Variants in ESRRG observed in about 807,000 individuals in gnomAD.
ESRRG encodes the protein estrogen related receptor gamma, also known as estrogen-related receptor gamma.
ESRRG carries 13 observed loss-of-function variants against 44.0 expected under a neutral mutation model. That is an observed-to-expected ratio of 0.30 (90% confidence interval 0.19 to 0.47). ESRRG has a LOEUF of 0.47. ESRRG is among the 20% of genes least tolerant of loss of function. The pLI is 1.00. For missense variants in ESRRG, 395 were observed against 580.6 expected (o/e 0.68, Z 3.29); for synonymous variants, 215 against 214.6 (o/e 1.00, Z -0.02).
At chr1:217,037,265 T>C (rs1303668060) in intron 1 of ESRRG, among the ~76,000 whole-genome samples, 1 of 152,224 alleles carries the variant, frequency 6.6e-6, no homozygotes, top group Non-Finnish European at 1.5e-5. Context: ...AGTCTGTTTT[T>C]ATGCTGCTGA....
chr1:216,602,729 A>G (rs1304953643), intron 3 of ESRRG, among the ~76,000 whole-genome samples: 2 of 152,224 alleles, frequency 1.3e-5, no homozygotes, highest in African/African-American at 2.4e-5. Flanking sequence ...TAATGATACA[A>G]TGAATTGCCT....
intron 1 of ESRRG, among the ~76,000 whole-genome samples, chr1:216,721,310 C>T (rs1287648116): frequency 6.6e-6 from 1 of 152,170 alleles, no homozygotes; most frequent in Non-Finnish European, 1.5e-5. Flanking sequence ...TATACACACA[C>T]GTGATGGGGT....
At chr1:216,568,127 T>C (rs1409274626) in intron 3 of ESRRG, 29 bp from the exon 4 acceptor site, 4 of 1,485,904 alleles carry the variant, frequency 2.7e-6, no homozygotes, top group Admixed American at 1.7e-5. Flanking sequence ...ACCGGCTTAC[T>C]ATTAAGGTAG....
At chr1:216,852,278 TCAGTTA>T (rs2148993620) in intron 2 of ESRRG, among the ~76,000 whole-genome samples, 1 of 152,260 alleles carries the variant, frequency 6.6e-6, no homozygotes, top group African/African-American at 2.4e-5. Flanking sequence ...TTCTTGGCAC[TCAGTTA>T]CAATGATATT....
intron 3 of ESRRG, among the ~76,000 whole-genome samples, chr1:216,649,201 T>G (rs1431654720): frequency 6.6e-6 from 1 of 152,172 alleles, no homozygotes; most frequent in East Asian, 1.9e-4. Context: ...CTTATCTGTC[T>G]TGTTCACTGT....
intron 1 of ESRRG, among the ~76,000 whole-genome samples, chr1:216,944,263 A>T (rs2065726573): frequency 6.6e-6 from 1 of 152,218 alleles, no homozygotes; most frequent in Non-Finnish European, 1.5e-5. Flanking sequence ...CTGTGAGGAC[A>T]AAATATTTTT....
intron 3 of ESRRG, among the ~76,000 whole-genome samples, chr1:216,604,262 G>T (rs1185952766): frequency 2.6e-5 from 4 of 152,196 alleles, no homozygotes; most frequent in Non-Finnish European, 4.4e-5. Flanking sequence ...ATAAAAGGAA[G>T]TGTTCGGCAC....
chr1:216,512,688 G>T (rs1376781648), intron 6 of ESRRG, among the ~76,000 whole-genome samples: 1 of 151,944 alleles, frequency 6.6e-6, no homozygotes, highest in Non-Finnish European at 1.5e-5. Flanking sequence ...TACTTATCGT[G>T]GTAGGCTGAA....
At chr1:216,535,841 G>A (rs1447464235) in intron 5 of ESRRG, among the ~76,000 whole-genome samples, 1 of 151,808 alleles carries the variant, frequency 6.6e-6, no homozygotes, top group African/African-American at 2.4e-5. Context: ...TTCCCTCTCT[G>A]TTCACTGCAT....
At chr1:217,120,618 C>G (rs2092806414) in intron 1 of ESRRG, among the ~76,000 whole-genome samples, 1 of 152,154 alleles carries the variant, frequency 6.6e-6, no homozygotes, top group African/African-American at 2.4e-5. Context: ...CCTCACTCTG[C>G]CATCCACAGC....
intron 2 of ESRRG, among the ~76,000 whole-genome samples, chr1:216,811,951 T>G (rs1050233377): frequency 1.1e-4 from 16 of 152,176 alleles, no homozygotes; most frequent in African/African-American, 3.6e-4. Flanking sequence ...TACTGAGGAA[T>G]GTAGAACAAA....
At chr1:217,027,001 C>T (rs1465953852) in intron 1 of ESRRG, among the ~76,000 whole-genome samples, 1 of 151,616 alleles carries the variant, frequency 6.6e-6, no homozygotes, top group Non-Finnish European at 1.5e-5. Context: ...TTTTCTCTGA[C>T]TATGTAAGAC....
intron 1 of ESRRG, among the ~76,000 whole-genome samples, chr1:216,969,191 G>T (rs983981294): frequency 2.0e-5 from 3 of 152,104 alleles, no homozygotes; most frequent in Non-Finnish European, 4.4e-5. Flanking sequence ...TGAGGATATG[G>T]CAGTGGCCTA....
At chr1:216,641,653 A>C (rs1302604016) in intron 3 of ESRRG, among the ~76,000 whole-genome samples, 2 of 152,224 alleles carry the variant, frequency 1.3e-5, no homozygotes, top group East Asian at 3.8e-4. Flanking sequence ...TTATGTTCCA[A>C]TTTGGATTTA....
chr1:217,077,814 T>C (rs1400759870), intron 1 of ESRRG, among the ~76,000 whole-genome samples: 1 of 152,214 alleles, frequency 6.6e-6, no homozygotes, highest in Non-Finnish European at 1.5e-5. Flanking sequence ...CTAACTTGTT[T>C]CTCAAGATGG....
chr1:216,826,727 T>C (rs985469842), intron 2 of ESRRG, among the ~76,000 whole-genome samples: 1 of 152,178 alleles, frequency 6.6e-6, no homozygotes, highest in African/African-American at 2.4e-5. Context: ...TTTTAGGCCA[T>C]ACTACACAAA....
chr1:216,841,305 C>A (rs936084803), intron 2 of ESRRG, among the ~76,000 whole-genome samples: 1 of 152,086 alleles, frequency 6.6e-6, no homozygotes, highest in Non-Finnish European at 1.5e-5. Flanking sequence ...ACCCCGCAGG[C>A]CTTTTCCGTT....
At chr1:216,589,882 C>A (rs1370233939) in intron 3 of ESRRG, among the ~76,000 whole-genome samples, 2 of 88,834 alleles carry the variant, frequency 2.3e-5, no homozygotes, top group African/African-American at 4.5e-5. Context: ...CCACCCTGGG[C>A]AACAGGGTGA....
chr1:217,008,631 C>G (rs966947453), intron 1 of ESRRG, among the ~76,000 whole-genome samples: 7 of 152,212 alleles, frequency 4.6e-5, no homozygotes, highest in Non-Finnish European at 1.0e-4. Flanking sequence ...AAGGGCAACA[C>G]AGATATCTGT....
Sources: allele counts gnomAD v4.1 joint callset (sites outside exome capture counted in the v4.1 genomes callset), GRCh38; gene constraint gnomAD v4.1.1; transcripts MANE v1.5; gene names NCBI Gene and HGNC (gene_info 2026-07-23, HGNC 2026-07-21).